Variants in ZBTB17 observed in about 807,000 individuals in gnomAD.
ZBTB17 encodes zinc finger and BTB domain-containing protein 17.
In ZBTB17, 24 loss-of-function variants were observed where a neutral mutation model predicts 85.1. The ratio of observed to expected loss-of-function variants is 0.28; its 90% CI spans 0.20 to 0.40. The LOEUF is 0.40. Among genes scored for constraint, ZBTB17 ranks in the 10% least tolerant of loss-of-function variants. The pLI is 1.00. For missense variants in ZBTB17, 743 were observed against 1,105.1 expected, an observed-to-expected ratio of 0.67 and a Z score of 4.65; for synonymous variants, 464 against 460.2, an observed-to-expected ratio of 1.01 and a Z score of -0.11.
At chr1:15,970,545 G>A (rs2148815575) in intron 2 of ZBTB17, among the ~76,000 whole-genome samples, 1 of 150,742 alleles carries the variant, frequency 6.6e-6, no homozygotes, top group Non-Finnish European at 1.5e-5. Flanking sequence ...ACCACACCCA[G>A]CTAATTTTTT....
At position 15,964,390 on chromosome 1, in the gene ZBTB17, A is replaced by G. The variant is rs970550861; in HGVS notation, c.-3+8649T>C. On this transcript the variant is annotated intron_variant, in intron 2 of 15. Transcript: ENST00000375743. This position sits in a 1 kb window ranked among gnomAD's most constrained non-coding sequence, Gnocchi z 4.3. ...AATGCAAATTCTAATAAAACATACC[A>G]ACAATTTTTATGGCATTTGACAAAT... Among the ~76,000 whole-genome samples the G allele has an allele frequency of 6.6e-6, 1 of 152,218 alleles. No homozygotes were observed. The highest frequency in any genetic ancestry group is 1.5e-5 in the Non-Finnish European group (1 of 68,044).
rs576877202 is a variant in ZBTB17, at chr1:15,945,650, G to A, written c.661+65C>T. ...CAGGAGGAGAGGGAGGCCCCAGTGC[G>A]CAGTGGAGGCAGGGCCCTGGGAGGA... On this transcript the variant is annotated intron_variant, in intron 6 of 15. Coordinates refer to ENST00000375743, the MANE Select transcript of ZBTB17 (RefSeq NM_003443.3). 148 of 1,587,354 alleles carry A rather than the reference G, an allele frequency of 9.3e-5. No homozygotes were observed. In the South Asian group the frequency reaches 1.4e-3, roughly 15 times the overall value.
intron 2 of ZBTB17, among the ~76,000 whole-genome samples, chr1:15,971,550 CTATATATATACACACACACTA>C (rs1557800176): frequency 2.7e-5 from 2 of 74,420 alleles, no homozygotes; most frequent in Non-Finnish European, 5.3e-5. Flanking sequence ...TACACACACA[CTATATATATACACACACACTA>C]TATATATATA....
At chr1:15,942,456 CG>C (rs2071402575) in intron 14 of ZBTB17, 36 bp from the exon 15 acceptor site, 1 of 1,611,640 alleles carries the variant, frequency 6.2e-7, no homozygotes, top group African/African-American at 1.3e-5. Flanking sequence ...GGTGAAGGCA[CG>C]GGCACTGCCC....
chr1:15,942,010 T>C lies in ZBTB17; in HGVS notation c.2371A>G (p.Thr791Ala). 1.2e-6 allele frequency: 2 copies of C among 1,605,438 alleles called. No individual in the cohort carries two copies. The highest frequency in any genetic ancestry group is 8.5e-7 in the Non-Finnish European group (1 of 1,179,226). Residue 791 changes from threonine to alanine, a missense_variant, in exon 16 of 16, where the codon ACC becomes GCC. By Grantham distance (58) the Thr-to-Ala change is moderately conservative (BLOSUM62 0). This residue lies in a region of ZBTB17 where 69 missense variants were observed against 77.0 expected (regional missense o/e 0.90). Transcript: ENST00000375743. ...GAEGQPALAETSPTAPECPPP... is the reference protein window; with the variant it reads ...GAEGQPALAEASPTAPECPPP... ...GGACATTCAGGAGCTGTAGGGGAGG[T>C]CTCTGCCAGTGCGGGCTGGCCCTCA...
chr1:15,960,728 G>C (rs2072229325), intron 2 of ZBTB17, among the ~76,000 whole-genome samples: 1 of 152,252 alleles, frequency 6.6e-6, no homozygotes, highest in Non-Finnish European at 1.5e-5. Flanking sequence ...GGCCCATGAT[G>C]CTCTTGAAGA....
intron 10 of ZBTB17, 44 bp from the exon 11 acceptor site, chr1:15,943,759 T>C (rs757955336): frequency 1.2e-6 from 2 of 1,612,656 alleles, no homozygotes; most frequent in Non-Finnish European, 1.7e-6. Flanking sequence ...GCACCACCGG[T>C]GGCCGAGGAG....
chr1:15,971,521 TACACACACACTATATATATACAC>T (rs1347226430), intron 2 of ZBTB17, among the ~76,000 whole-genome samples: 65 of 133,794 alleles, frequency 4.9e-4, no homozygotes, highest in African/African-American at 2.0e-3. Context: ...ACTATATATA[TACACACACACTATATATATACAC>T]ACACACTATA....
rs762464501 is a variant in ZBTB17 at position 15,943,208 on chromosome 1, G to A, written c.1698-14C>T. The A allele has an allele frequency of 1.2e-6, 2 of 1,614,022 alleles. No homozygotes were observed. The highest frequency in any genetic ancestry group is 3.3e-5 in the Admixed American group (2 of 60,008). On this transcript the variant is annotated splice_polypyrimidine_tract_variant and intron_variant, in intron 12 of 15. Transcript: ENST00000375743. Reference sequence around the variant, plus strand: ...GACTGGACGAATCTGTGGGGCCACAGGAAGGGACTCGCATGGAACTGCCCC... The same window carrying A: ...GACTGGACGAATCTGTGGGGCCACAAGAAGGGACTCGCATGGAACTGCCCC...
chr1:15,969,782 G>A (rs910905041), intron 2 of ZBTB17: 14 of 516,624 alleles, frequency 2.7e-5, no homozygotes, highest in Non-Finnish European at 3.0e-5. Flanking sequence ...ATGCGTGGAC[G>A]AGAGGGGATG....
chr1:15,959,255 G>C (rs1286749506), intron 2 of ZBTB17, among the ~76,000 whole-genome samples: 1 of 152,136 alleles, frequency 6.6e-6, no homozygotes, highest in Admixed American at 6.5e-5. Flanking sequence ...AAAACTATGA[G>C]CCCAGGCTAA....
intron 2 of ZBTB17, chr1:15,969,611 G>A: frequency 2.4e-6 from 1 of 420,002 alleles, no homozygotes; most frequent in Non-Finnish European, 4.8e-6. Flanking sequence ...CGGAGGGTGG[G>A]GGGAGCAGGG....
At chr1:15,960,792 T>TCCATTTCCA (rs1273572279) in intron 2 of ZBTB17, among the ~76,000 whole-genome samples, 4 of 152,258 alleles carry the variant, frequency 2.6e-5, no homozygotes, top group Admixed American at 2.0e-4. Flanking sequence ...TGGAAATGGA[T>TCCATTTCCA]GTAGCTGGAC....
Position 15,975,922 on chromosome 1 carries a change from T to TCCGCCG in ZBTB17, c.-90+55_-90+60dup, listed in dbSNP as rs879050361. Reference sequence around the variant, plus strand: ...ACCGGCGTCCCACCGCGCCCCATCCTCCGCCGCCTCCGCCCCGGCTCCCGG... The same window carrying TCCGCCG: ...ACCGGCGTCCCACCGCGCCCCATCCTCCGCCGCCGCCGCCTCCGCCCCGGCTCCCGG... On this transcript the variant is annotated intron_variant, in intron 1 of 15. Coordinates refer to ENST00000375743, the MANE Select transcript of ZBTB17 (RefSeq NM_003443.3). 230 of 652,874 alleles carry TCCGCCG rather than the reference T, an allele frequency of 3.5e-4. 1 individual carries two copies. The highest frequency in any genetic ancestry group is 3.4e-3 in the South Asian group (223 of 65,856). 40.4% of individuals were successfully genotyped at this position (652,874 alleles called of 1,614,324 possible). A position where few individuals can be genotyped will look rare whatever the true frequency, so the allele number is the denominator to read the frequency against.
intron 1 of ZBTB17, among the ~76,000 whole-genome samples, chr1:15,975,775 C>T (rs1016196600): frequency 8.6e-5 from 13 of 151,776 alleles, no homozygotes; most frequent in Non-Finnish European, 2.9e-5. Flanking sequence ...GCCGCCCACT[C>T]CCCGCCAGCA....
rs891355615 is a variant in ZBTB17, at chr1:15,951,602, G to A, written c.-2-3105C>T. On this transcript the variant is annotated intron_variant, in intron 2 of 15. Coordinates refer to ENST00000375743, the MANE Select transcript of ZBTB17 (RefSeq NM_003443.3). The surrounding 1 kb of genome is among the most constrained non-coding windows in gnomAD (Gnocchi z 4.1). The stretch of plus-strand genomic sequence containing the variant: ...CAGCCCCTCTCTCAAGGCCCGTGGC[G>A]AGACGGAGGCATGGCCGGCTGGGTC... Among the ~76,000 whole-genome samples, 9 of 152,168 alleles carry A rather than the reference G, an allele frequency of 5.9e-5. No homozygotes were observed. Among genetic ancestry groups the A allele is most frequent in the Non-Finnish European group, 1.3e-4 (9 of 68,016 alleles).
Position 15,953,291 on chromosome 1 carries a change from G to A in ZBTB17, c.-2-4794C>T, listed in dbSNP as rs1336378688. The stretch of plus-strand genomic sequence containing the variant: ...GCCTTCTAAAGTGCTGGGATTACAG[G>A]CGTGTGCTACTGCACCCAGCCATTT... On this transcript the variant is annotated intron_variant, in intron 2 of 15. Transcript: ENST00000375743. This position sits in a 1 kb window ranked among gnomAD's most constrained non-coding sequence, Gnocchi z 5.1. Among the ~76,000 whole-genome samples the A allele has an allele frequency of 6.6e-6, 1 of 152,074 alleles. No individual in the cohort carries two copies. The highest frequency in any genetic ancestry group is 1.9e-4 in the East Asian group (1 of 5,190).
intron 2 of ZBTB17, among the ~76,000 whole-genome samples, chr1:15,969,322 G>A (rs988853285): frequency 1.3e-5 from 2 of 152,164 alleles, no homozygotes; most frequent in African/African-American, 2.4e-5. Context: ...ATATTACAAT[G>A]TAATAGTAAT....
At position 15,951,952 on chromosome 1, in the gene ZBTB17, T is replaced by C. The variant is rs2148777993; in HGVS notation, c.-2-3455A>G. 6.6e-6 allele frequency among the ~76,000 whole-genome samples: 1 copy of C among 152,156 alleles called. No homozygotes were observed. The highest frequency in any genetic ancestry group is 2.1e-4 in the South Asian group (1 of 4,814). The stretch of plus-strand genomic sequence containing the variant: ...GGGAACACAGGGTGAAGAAATACTG[T>C]TCCCACCAGGCAGCCTGCCCCACCC... On this transcript the variant is annotated intron_variant, in intron 2 of 15. Transcript: ENST00000375743. This position sits in a 1 kb window ranked among gnomAD's most constrained non-coding sequence, Gnocchi z 4.1.
Sources: allele counts gnomAD v4.1 joint callset (sites outside exome capture counted in the v4.1 genomes callset), GRCh38; gene constraint gnomAD v4.1.1; regional missense constraint gnomAD v4.1.1; non-coding constraint Gnocchi (gnomAD v3.1); transcripts MANE v1.5; gene names NCBI Gene and HGNC (gene_info 2026-07-23, HGNC 2026-07-21).